ABLIM1: variants seen among roughly 807,000 people sequenced by gnomAD.
The protein encoded by ABLIM1 is actin binding LIM protein 1.
A neutral mutation model predicts 107.0 loss-of-function variants in ABLIM1; 40 were observed. The ratio of observed to expected loss-of-function variants is 0.37; its 90% CI spans 0.29 to 0.49. ABLIM1 has a LOEUF of 0.49. Among genes scored for constraint, ABLIM1 ranks in the 20% least tolerant of loss-of-function variants. The pLI is 0.97. For missense variants in ABLIM1, 857 were observed against 1,008.5 expected (o/e 0.85, Z 2.04); for synonymous variants, 357 against 357.3 (o/e 1.00, Z 0.01).
chr10:114,575,387 G>GTA, intron 3 of ABLIM1, 29 bp downstream of exon 3: 3 of 1,607,764 alleles, frequency 1.9e-6, no homozygotes, highest in Non-Finnish European at 1.7e-6. Context: ...GGAGGAAGGT[G>GTA]TAGGCTTTGG....
intron 6 of ABLIM1, among the ~76,000 whole-genome samples, chr10:114,516,353 G>A (rs1333415065): frequency 6.6e-6 from 1 of 152,124 alleles, no homozygotes; most frequent in Admixed American, 6.6e-5. Context: ...GCAAAACCCT[G>A]TCTCTACTAA....
At chr10:114,758,349 T>C (rs2082675528) in intron 1 of ABLIM1, among the ~76,000 whole-genome samples, 1 of 152,164 alleles carries the variant, frequency 6.6e-6, no homozygotes, top group Admixed American at 6.5e-5. Flanking sequence ...TCTCCTAAAA[T>C]AAGTAGTCAC....
chr10:114,573,480 C>T (rs1006776055), intron 3 of ABLIM1, among the ~76,000 whole-genome samples: 2 of 152,190 alleles, frequency 1.3e-5, no homozygotes, highest in Non-Finnish European at 2.9e-5. Flanking sequence ...GTTAATAAAT[C>T]GTTTTTTATC....
intron 1 of ABLIM1, among the ~76,000 whole-genome samples, chr10:114,664,558 T>TA (rs1484127591): frequency 2.0e-5 from 3 of 152,020 alleles, no homozygotes; most frequent in Non-Finnish European, 4.4e-5. Context: ...TATTTTATTT[T>TA]TTTTTGAGAA....
chr10:114,782,736 T>C, the ABLIM1 span, among the ~76,000 whole-genome samples: 1 of 152,054 alleles, frequency 6.6e-6, no homozygotes, highest in Non-Finnish European at 1.5e-5. Flanking sequence ...AGAGATTAGT[T>C]TGGAGCTGTT....
chr10:114,671,174 T>A (rs2080238640), intron 1 of ABLIM1, among the ~76,000 whole-genome samples: 2 of 152,262 alleles, frequency 1.3e-5, no homozygotes, highest in Non-Finnish European at 2.9e-5. Context: ...ACTTCATGCA[T>A]GATTCATGTG....
In ABLIM1 at chr10:114,473,870, G is replaced by A. The variant is rs150657352; in HGVS notation, c.1119+9C>T. The stretch of plus-strand genomic sequence containing the variant: ...CCCAGAAATGTCACTTCCAGAAGTA[G>A]ATACTTACATAGATAGTATGACCTG... On this transcript the variant is annotated intron_variant, in intron 9 of 22. Coordinates refer to ENST00000533213, the MANE Select transcript of ABLIM1 (RefSeq NM_002313.7). The A allele has an allele frequency of 6.3e-7, 1 of 1,599,808 alleles. No homozygotes were observed. The highest frequency in any genetic ancestry group is 8.6e-7 in the Non-Finnish European group (1 of 1,168,822).
At chr10:114,552,215 A>G (rs1211700689) in intron 4 of ABLIM1, among the ~76,000 whole-genome samples, 1 of 152,224 alleles carries the variant, frequency 6.6e-6, no homozygotes, top group Non-Finnish European at 1.5e-5. Context: ...CAGAGACAAA[A>G]GATTCATGCT....
the ABLIM1 span, among the ~76,000 whole-genome samples, chr10:114,777,390 TAACTC>T: frequency 6.6e-6 from 1 of 152,240 alleles, no homozygotes; most frequent in Non-Finnish European, 1.5e-5. Flanking sequence ...CCTTGTCAGT[TAACTC>T]AAGTATATCA....
intron 1 of ABLIM1, among the ~76,000 whole-genome samples, chr10:114,633,440 T>C (rs1159627173): frequency 6.6e-6 from 1 of 152,154 alleles, no homozygotes; most frequent in East Asian, 1.9e-4. Flanking sequence ...CTCAGGGCTT[T>C]ACTATTAATA....
chr10:114,775,787 C>T, the ABLIM1 span, among the ~76,000 whole-genome samples: 2 of 152,102 alleles, frequency 1.3e-5, no homozygotes, highest in Non-Finnish European at 2.9e-5. Context: ...TTTTTCTAAC[C>T]ACTAGGACAT....
chr10:114,658,777 C>A (rs559043348), upstream of ABLIM1, among the ~76,000 whole-genome samples: 1 of 152,250 alleles, frequency 6.6e-6, no homozygotes, highest in East Asian at 1.9e-4. Context: ...TAGAAGGGGA[C>A]CCCTCCCCTC....
upstream of ABLIM1, among the ~76,000 whole-genome samples, chr10:114,663,113 T>A (rs1010386787): frequency 1.8e-4 from 27 of 152,246 alleles, no homozygotes; most frequent in African/African-American, 6.3e-4. Flanking sequence ...CATCTCTTCA[T>A]CCTTCCCCTG....
intron 1 of ABLIM1, among the ~76,000 whole-genome samples, chr10:114,616,097 A>G (rs537345843): frequency 3.3e-5 from 5 of 152,306 alleles, no homozygotes; most frequent in African/African-American, 1.2e-4. Context: ...TTTTGGGAGT[A>G]CAAGGCAGTA....
intron 1 of ABLIM1, among the ~76,000 whole-genome samples, chr10:114,640,949 G>C (rs1406485874): frequency 6.6e-6 from 1 of 152,066 alleles, no homozygotes; most frequent in African/African-American, 2.4e-5. Flanking sequence ...CCTGTGTTGG[G>C]TGAGAATAAC....
rs754188841 is a variant in ABLIM1 at position 114,465,855 on chromosome 10, C to G, written c.1312-28G>C. 5 of 1,612,996 alleles carry G rather than the reference C, an allele frequency of 3.1e-6. No homozygotes were observed. The South Asian group carries it at 5.5e-5, about 18-fold the overall frequency. On this transcript the variant is annotated intron_variant, in intron 11 of 22. Transcript: ENST00000533213. ...GGAAACAAAGTTCAACACATTCAGGCTATCACCATGCCTCAGTAGGAACCA... is the reference window on the plus strand; with the variant it reads ...GGAAACAAAGTTCAACACATTCAGGGTATCACCATGCCTCAGTAGGAACCA...
intron 1 of ABLIM1, among the ~76,000 whole-genome samples, chr10:114,730,779 A>G (rs1000739313): frequency 1.3e-5 from 2 of 152,200 alleles, no homozygotes; most frequent in African/African-American, 4.8e-5. Flanking sequence ...ATTTCATCAC[A>G]CCAAAATAAA....
rs1162498202 is a variant in ABLIM1, at chr10:114,435,055, T to C, written c.*1205A>G. 1 of 152,190 alleles carries C rather than the reference T, an allele frequency of 6.6e-6. No homozygotes were observed. Among genetic ancestry groups the C allele is most frequent in the Non-Finnish European group, 1.5e-5 (1 of 68,042 alleles). 9.4% of individuals were successfully genotyped at this position (152,190 alleles called of 1,614,324 possible). A position where few individuals can be genotyped will look rare whatever the true frequency, so the allele number is the denominator to read the frequency against. On this transcript the variant is annotated 3_prime_UTR_variant, in exon 23 of 23. Transcript: ENST00000533213. ...AAGCAGAAATTAAAAAGCACATGCA[T>C]GCTCACAAAATTACTCTGGGTGAGT...
At chr10:114,459,852 C>A (rs958856522) in intron 12 of ABLIM1, among the ~76,000 whole-genome samples, 2 of 152,120 alleles carry the variant, frequency 1.3e-5, no homozygotes, top group African/African-American at 2.4e-5. Flanking sequence ...ATCCAGAACA[C>A]CTGACGGTGT....
Sources: gnomAD v4.1 joint callset for allele counts (sites outside exome capture counted in the v4.1 genomes callset) on GRCh38, gnomAD v4.1.1 for gene constraint, MANE v1.5 for transcripts, NCBI Gene and HGNC (gene_info 2026-07-23, HGNC 2026-07-21) for gene names.